The following PLXDC2 variants were observed in gnomAD, a reference collection of about 807,000 sequenced individuals.
PLXDC2 encodes plexin domain-containing protein 2.
A neutral mutation model predicts 68.9 loss-of-function variants in PLXDC2; 40 were observed. The observed-to-expected ratio is 0.58, with a 90% confidence interval of 0.45 to 0.76. The LOEUF is 0.76. Among genes scored for constraint, PLXDC2 ranks in the 30% least tolerant of loss-of-function variants. The pLI is 0.00. For missense variants in PLXDC2, 644 were observed against 661.9 expected, an observed-to-expected ratio of 0.97 and a Z score of 0.30; for synonymous variants, 243 against 234.2, an observed-to-expected ratio of 1.04 and a Z score of -0.34.
At chr10:20,002,049 T>A (rs1834951122) in intron 2 of PLXDC2, 63 bp downstream of exon 2, 8 of 1,484,130 alleles carry the variant, frequency 5.4e-6, no homozygotes, top group East Asian at 2.4e-5. Context: ...GGTGCCCAAC[T>A]TTTATATAGA....
At chr10:20,154,327 G>C (rs979361670) in intron 6 of PLXDC2, among the ~76,000 whole-genome samples, 1 of 152,162 alleles carries the variant, frequency 6.6e-6, no homozygotes, top group Non-Finnish European at 1.5e-5. Flanking sequence ...CACTTTGGGA[G>C]GCCAAGGTGG....
rs150450115 is a variant in PLXDC2, at chr10:20,177,921, A to G, written c.1061+512A>G. Among the ~76,000 whole-genome samples the G allele has an allele frequency of 4.1e-3, 619 of 152,218 alleles. 1 individual carries two copies. Among genetic ancestry groups the G allele is most frequent in the African/African-American group, 0.014 (588 of 41,550 alleles). Reference sequence around the variant, plus strand: ...TGTTTGAGAGCTCAAAATTACTAACAGCATTTATAGTCAGTAAGGCCATTA... The same window carrying G: ...TGTTTGAGAGCTCAAAATTACTAACGGCATTTATAGTCAGTAAGGCCATTA... On this transcript the variant is annotated intron_variant, in intron 9 of 13. Transcript: ENST00000377252.
chr10:20,050,132 T>C (rs1055424285), intron 3 of PLXDC2, among the ~76,000 whole-genome samples: 2 of 152,106 alleles, frequency 1.3e-5, no homozygotes, highest in South Asian at 2.1e-4. Flanking sequence ...GTTCAATAAA[T>C]GGTGCTGGGA....
At chr10:20,133,613 C>G (rs1347040816) in intron 4 of PLXDC2, among the ~76,000 whole-genome samples, 1 of 152,150 alleles carries the variant, frequency 6.6e-6, no homozygotes, top group African/African-American at 2.4e-5. Flanking sequence ...AGATTTTTGT[C>G]TTGCTGCTCT....
chr10:20,218,115 T>G (rs1000043281), intron 11 of PLXDC2, among the ~76,000 whole-genome samples: 1 of 152,126 alleles, frequency 6.6e-6, no homozygotes, highest in Non-Finnish European at 1.5e-5. Flanking sequence ...TCTTCTAAGG[T>G]AGGCAGAAAT....
chr10:19,818,945 G>A (rs1000168409), intron 1 of PLXDC2, among the ~76,000 whole-genome samples: 1 of 147,680 alleles, frequency 6.8e-6, no homozygotes, highest in South Asian at 2.1e-4. Context: ...TGCATTTGCA[G>A]TAAAGGAAAA....
chr10:20,104,562 C>T (rs1199530745), intron 4 of PLXDC2, among the ~76,000 whole-genome samples: 2 of 152,184 alleles, frequency 1.3e-5, no homozygotes, highest in African/African-American at 4.8e-5. Context: ...CAACTCTTTA[C>T]TGCAGCAGCT....
chr10:19,925,232 A>AT (rs145736926), intron 1 of PLXDC2, among the ~76,000 whole-genome samples: 8,698 of 152,282 alleles, frequency 0.057, 311 homozygotes, highest in Middle Eastern at 0.13. Flanking sequence ...AGCAGAAGGC[A>AT]TGGAGAGCCT....
At chr10:19,945,818 G>A (rs1371293519) in intron 1 of PLXDC2, among the ~76,000 whole-genome samples, 1 of 152,146 alleles carries the variant, frequency 6.6e-6, no homozygotes, top group Non-Finnish European at 1.5e-5. Flanking sequence ...TTCATTCAGT[G>A]TGACAAAGCC....
chr10:19,902,827 T>C (rs992327332), intron 1 of PLXDC2, among the ~76,000 whole-genome samples: 6 of 152,274 alleles, frequency 3.9e-5, no homozygotes, highest in Admixed American at 1.3e-4. Flanking sequence ...GTCATAGATA[T>C]TTTTTATTCC....
intron 4 of PLXDC2, among the ~76,000 whole-genome samples, chr10:20,119,162 T>C (rs1178176951): frequency 6.6e-6 from 1 of 152,068 alleles, no homozygotes; most frequent in Non-Finnish European, 1.5e-5. Context: ...AGACATGTGC[T>C]GAGTTGAAGG....
At chr10:19,895,224 G>C (rs1838038069) in intron 1 of PLXDC2, among the ~76,000 whole-genome samples, 1 of 152,094 alleles carries the variant, frequency 6.6e-6, no homozygotes, top group Non-Finnish European at 1.5e-5. Flanking sequence ...GATGGGTCTG[G>C]AGGTGTCACA....
At chr10:20,225,913 G>A (rs185109201) in intron 12 of PLXDC2, among the ~76,000 whole-genome samples, 2 of 152,246 alleles carry the variant, frequency 1.3e-5, no homozygotes, top group East Asian at 1.9e-4. Context: ...TGTGGGTGGA[G>A]ATTCTTGTTA....
chr10:19,968,762 C>T (rs572766122), intron 1 of PLXDC2, among the ~76,000 whole-genome samples: 9 of 152,242 alleles, frequency 5.9e-5, no homozygotes, highest in African/African-American at 2.2e-4. Flanking sequence ...AGAGGAAATA[C>T]TCAAATAAAA....
chr10:20,265,246 A>T (rs1835855591), intron 13 of PLXDC2, among the ~76,000 whole-genome samples: 1 of 152,206 alleles, frequency 6.6e-6, no homozygotes, highest in African/African-American at 2.4e-5. Flanking sequence ...ACTCTTTCCG[A>T]GATGAGCTTC....
Position 20,020,178 on chromosome 10 carries a change from A to ATTTTTTTTTTTTTTTT in PLXDC2, c.324+18199_324+18214dup, listed in dbSNP as rs71388889. ...AAACACATGCCACCACACCCAGCAA[A>ATTTTTTTTTTTTTTTT]TTTTTTTTTTTTTTTTTTTTTTGTA... On this transcript the variant is annotated intron_variant, in intron 2 of 13. Coordinates refer to ENST00000377252, the MANE Select transcript of PLXDC2 (RefSeq NM_032812.9). Among the ~76,000 whole-genome samples the ATTTTTTTTTTTTTTTT allele has an allele frequency of 7.7e-4, 83 of 107,314 alleles. 2 individuals are homozygous for ATTTTTTTTTTTTTTTT. Among genetic ancestry groups the ATTTTTTTTTTTTTTTT allele is most frequent in the African/African-American group, 3.4e-3 (83 of 24,166 alleles). 70.4% of individuals were successfully genotyped at this position (107,314 alleles called of 152,430 possible). A position where few individuals can be genotyped will look rare whatever the true frequency, so the allele number is the denominator to read the frequency against.
rs1836063578 is a variant in PLXDC2 at position 20,280,181 on chromosome 10, T to C, written c.*362T>C. The C allele has an allele frequency of 5.7e-6, 1 of 174,206 alleles. No individual in the cohort carries two copies. The highest frequency in any genetic ancestry group is 1.2e-5 in the Non-Finnish European group (1 of 82,554). The allele number at this position is 174,206 out of a possible 1,614,324, so 10.8% of individuals were successfully genotyped here. A position where few individuals can be genotyped will look rare whatever the true frequency, so the allele number is the denominator to read the frequency against. ...AAAATCATAATAAAGCTTTAGTTCATGAGGGATCGACACCTTTGGTTCAAA... is the reference window on the plus strand; with the variant it reads ...AAAATCATAATAAAGCTTTAGTTCACGAGGGATCGACACCTTTGGTTCAAA... On this transcript the variant is annotated 3_prime_UTR_variant, in exon 14 of 14. Transcript: ENST00000377252.
intron 2 of PLXDC2, among the ~76,000 whole-genome samples, chr10:20,012,924 A>T (rs946878124): frequency 6.6e-6 from 1 of 152,074 alleles, no homozygotes; most frequent in Non-Finnish European, 1.5e-5. Context: ...GTTTTGAGTT[A>T]TTTTCTATAT....
At chr10:19,974,251 A>G (rs116210519) in intron 1 of PLXDC2, among the ~76,000 whole-genome samples, 3 of 152,212 alleles carry the variant, frequency 2.0e-5, no homozygotes, top group East Asian at 3.9e-4. Context: ...TAAGTGGCCA[A>G]TTTCTCATGT....
Sources: allele counts gnomAD v4.1 joint callset (sites outside exome capture counted in the v4.1 genomes callset), GRCh38; gene constraint gnomAD v4.1.1; transcripts MANE v1.5; gene names NCBI Gene and HGNC (gene_info 2026-07-23, HGNC 2026-07-21).